The following P2RY14 variants were observed in gnomAD, a reference collection of about 807,000 sequenced individuals.
P2RY14 encodes purinergic receptor P2Y14, also known as P2Y purinoceptor 14.
A neutral mutation model predicts 0.9 loss-of-function variants in P2RY14; 2 were observed. The observed-to-expected ratio is 2.16, with a 90% CI of 0.88 to 6.79. The LOEUF is 6.79. P2RY14 is among the 30% of genes most tolerant of loss of function. The probability of loss-of-function intolerance (pLI) is 0.05; values close to 1 mark genes in which losing one functional copy is unlikely to be tolerated. For synonymous variants in P2RY14, 158 were observed against 147.2 expected (o/e 1.07, Z -0.53); for missense variants, 378 against 400.1 (o/e 0.94, Z 0.47).
chr3:151,224,232 A>G (rs1288533475), intron 1 of P2RY14, among the ~76,000 whole-genome samples: 2 of 152,168 alleles, frequency 1.3e-5, no homozygotes, highest in Admixed American at 1.3e-4. Context: ...TAAAGGTACA[A>G]CTTTTATATA....
At chr3:151,258,493 G>A (rs1738248076) in intron 1 of P2RY14, among the ~76,000 whole-genome samples, 1 of 152,138 alleles carries the variant, frequency 6.6e-6, no homozygotes, top group African/African-American at 2.4e-5. Flanking sequence ...CCTTGCAACA[G>A]AACAATGAGA....
intron 1 of P2RY14, among the ~76,000 whole-genome samples, chr3:151,273,385 G>T (rs1741318332): frequency 6.8e-6 from 1 of 146,720 alleles, no homozygotes; most frequent in African/African-American, 2.5e-5. Context: ...ACACCACCAT[G>T]CCCGGCTAAT....
At chr3:151,264,345 A>G (rs903356510) in intron 1 of P2RY14, among the ~76,000 whole-genome samples, 2 of 152,258 alleles carry the variant, frequency 1.3e-5, no homozygotes, top group African/African-American at 4.8e-5. Flanking sequence ...TGGACATGCC[A>G]TCTTTTAAAT....
chr3:151,264,528 A>G (rs1384051644), intron 1 of P2RY14, among the ~76,000 whole-genome samples: 1 of 152,254 alleles, frequency 6.6e-6, no homozygotes, highest in African/African-American at 2.4e-5. Flanking sequence ...TAAGATAACC[A>G]TAACCCAGTA....
intron 1 of P2RY14, among the ~76,000 whole-genome samples, chr3:151,264,080 C>A (rs921415641): frequency 3.3e-5 from 5 of 152,178 alleles, no homozygotes; most frequent in African/African-American, 1.2e-4. Context: ...AGTTCTACTT[C>A]ATTTCACTGA....
rs529130811 is a variant in P2RY14, at chr3:151,260,239, G to T, written c.-133+18048C>A. ...TCACCTTATCTAGCCTAATTAAATT[G>T]TATGGACTTTCTGTTAAGAGTTGAT... On this transcript the variant is annotated intron_variant, in intron 1 of 2. Coordinates refer to ENST00000309170, the MANE Select transcript of P2RY14 (RefSeq NM_014879.4). Among the ~76,000 whole-genome samples the T allele has an allele frequency of 1.2e-4, 19 of 152,308 alleles. 1 individual carries two copies. The South Asian group carries it at 3.9e-3, about 32-fold the overall frequency.
At chr3:151,259,916 G>C (rs1253879119) in intron 1 of P2RY14, among the ~76,000 whole-genome samples, 1 of 152,140 alleles carries the variant, frequency 6.6e-6, no homozygotes, top group African/African-American at 2.4e-5. Flanking sequence ...TGTAATCCTT[G>C]TATTTTAATT....
intron 1 of P2RY14, among the ~76,000 whole-genome samples, chr3:151,272,272 G>T (rs1741091417): frequency 6.6e-6 from 1 of 152,178 alleles, no homozygotes; most frequent in South Asian, 2.1e-4. Flanking sequence ...CTCAAATAGG[G>T]TCAAGGTTTC....
chr3:151,216,665 C>G (rs1728294249), intron 2 of P2RY14, among the ~76,000 whole-genome samples: 1 of 152,166 alleles, frequency 6.6e-6, no homozygotes, highest in Non-Finnish European at 1.5e-5. Context: ...CACTATTCTT[C>G]CTCTTCCCTG....
intron 1 of P2RY14, among the ~76,000 whole-genome samples, chr3:151,265,354 A>C (rs1739635026): frequency 6.6e-6 from 1 of 152,248 alleles, no homozygotes; most frequent in Non-Finnish European, 1.5e-5. Context: ...TTCCCAGCAC[A>C]GACGTGGAAT....
At position 151,213,639 on chromosome 3, in the gene P2RY14, C is replaced by T. The variant is rs529815467; in HGVS notation, c.678G>A (p.Ser226=). ...SHLKSSRNST[S]VKKKSSRNIF... ...TGTTGCGGCTAGATTTCTTTTTGAC[C>T]GAAGTGGAATTCCGACTTGACTTAA... Residue 226 remains serine (S), a synonymous_variant, in exon 3 of 3, where the codon TCG becomes TCA. Coordinates refer to ENST00000309170, the MANE Select transcript of P2RY14 (RefSeq NM_014879.4). The T allele has an allele frequency of 1.6e-5, 26 of 1,613,936 alleles. No individual in the cohort carries two copies. Among genetic ancestry groups the T allele is most frequent in the South Asian group, 4.4e-5 (4 of 91,084 alleles).
At chr3:151,254,808 T>A (rs1478892550) in intron 1 of P2RY14, among the ~76,000 whole-genome samples, 1 of 152,188 alleles carries the variant, frequency 6.6e-6, no homozygotes, top group Admixed American at 6.5e-5. Flanking sequence ...AGCTTACCAG[T>A]TTTAGGCCTT....
intron 1 of P2RY14, among the ~76,000 whole-genome samples, chr3:151,246,257 T>C (rs553054924): frequency 1.1e-3 from 162 of 152,188 alleles, no homozygotes; most frequent in Admixed American, 3.4e-3. Context: ...CTTCACAGAA[T>C]TGGAAAAAAC....
chr3:151,271,239 T>C (rs185069104), intron 1 of P2RY14, among the ~76,000 whole-genome samples: 4 of 152,308 alleles, frequency 2.6e-5, no homozygotes, highest in African/African-American at 9.6e-5. Context: ...CAAAGGAAGC[T>C]GTTTGGTCAA....
intron 1 of P2RY14, among the ~76,000 whole-genome samples, chr3:151,235,649 G>A (rs950478719): frequency 2.6e-5 from 4 of 151,986 alleles, no homozygotes; most frequent in Non-Finnish European, 2.9e-5. Flanking sequence ...AGCTGAGGTC[G>A]CGCCACTGCA....
intron 2 of P2RY14, among the ~76,000 whole-genome samples, chr3:151,217,449 A>G (rs1261116239): frequency 6.6e-6 from 1 of 152,170 alleles, no homozygotes; most frequent in Non-Finnish European, 1.5e-5. Context: ...CACCACTTTG[A>G]GTTGGATGGA....
In P2RY14 at chr3:151,265,467, T is replaced by C. The variant is rs140421167; in HGVS notation, c.-133+12820A>G. On this transcript the variant is annotated intron_variant, in intron 1 of 2. Coordinates refer to ENST00000309170, the MANE Select transcript of P2RY14 (RefSeq NM_014879.4). ...ACTCTTATATTTGTGTCTTACACCA[T>C]GAGAGCCTTTTCGAGTCTTTATTCT... 5.1e-3 allele frequency among the ~76,000 whole-genome samples: 772 copies of C among 152,338 alleles called. 12 individuals are homozygous for C. Among genetic ancestry groups the C allele is most frequent in the African/African-American group, 0.017 (720 of 41,566 alleles).
At chr3:151,239,031 A>C (rs1297046184) in intron 1 of P2RY14, among the ~76,000 whole-genome samples, 4 of 152,196 alleles carry the variant, frequency 2.6e-5, no homozygotes, top group Admixed American at 6.5e-5. Context: ...TGAAAGCAGA[A>C]TTTTGGAAAG....
At chr3:151,230,480 C>T (rs1034495772) in intron 1 of P2RY14, among the ~76,000 whole-genome samples, 1 of 151,976 alleles carries the variant, frequency 6.6e-6, no homozygotes, top group African/African-American at 2.4e-5. Context: ...ATAAACACTC[C>T]TTTCTCGTTA....
Sources: allele counts gnomAD v4.1 joint callset (sites outside exome capture counted in the v4.1 genomes callset), GRCh38; gene constraint gnomAD v4.1.1; transcripts MANE v1.5; gene names NCBI Gene and HGNC (gene_info 2026-07-23, HGNC 2026-07-21).